MAP2K5: variants seen among roughly 807,000 people sequenced by gnomAD.
MAP2K5 encodes the protein dual specificity mitogen-activated protein kinase kinase 5.
A neutral mutation model predicts 83.1 loss-of-function variants in MAP2K5; 49 were observed. The observed-to-expected ratio is 0.59, with a 90% CI of 0.47 to 0.75. The LOEUF is 0.75. MAP2K5 is among the 30% of genes least tolerant of loss of function. The pLI is 0.00. For missense variants in MAP2K5, 457 were observed against 557.5 expected (o/e 0.82, Z 1.82); for synonymous variants, 202 against 191.8 (o/e 1.05, Z -0.44).
rs565279416 is a variant in MAP2K5, at chr15:67,807,097, T to A, written c.*347T>A. The A allele has an allele frequency of 2.9e-5, 18 of 624,554 alleles. No homozygotes were observed. The highest frequency in any genetic ancestry group is 2.5e-4 in the African/African-American group (13 of 52,718). The allele number at this position is 624,554 out of a possible 1,614,324, so 38.7% of individuals were successfully genotyped here. On this transcript the variant is annotated 3_prime_UTR_variant, in exon 22 of 22. Coordinates refer to ENST00000178640, the MANE Select transcript of MAP2K5 (RefSeq NM_145160.3). This position sits in a 1 kb window ranked among gnomAD's most constrained non-coding sequence, Gnocchi z 5.1. ...TCAGCATCACTGATGGGAATAAAAGTATTAATGCTTTGTGACAGCCTCTGC... is the reference window on the plus strand; with the variant it reads ...TCAGCATCACTGATGGGAATAAAAGAATTAATGCTTTGTGACAGCCTCTGC...
chr15:67,664,354 A>AAT (rs3083901), intron 12 of MAP2K5, among the ~76,000 whole-genome samples: 1 of 149,812 alleles, frequency 6.7e-6, no homozygotes, highest in Non-Finnish European at 1.5e-5. Context: ...AAAAAAAAAA[A>AAT]GCTAGGCATG....
At chr15:67,614,744 C>G (rs904531096) in intron 8 of MAP2K5, among the ~76,000 whole-genome samples, 6 of 152,086 alleles carry the variant, frequency 3.9e-5, no homozygotes, top group Admixed American at 3.3e-4. Context: ...GTAGTGATGA[C>G]CACATTAACT....
rs970784854 is a variant in MAP2K5 at position 67,559,924 on chromosome 15, GTGT to G, written c.185-3354_185-3352del. On this transcript the variant is annotated intron_variant, in intron 2 of 21. Coordinates refer to ENST00000178640, the MANE Select transcript of MAP2K5 (RefSeq NM_145160.3). The surrounding 1 kb of genome is among the most constrained non-coding windows in gnomAD (Gnocchi z 4.7). ...TGCTTCTTAGTACCACTACTTTCTAGTGTTGTTCTCTAACATATTTGTACCTCT... is the reference window on the plus strand; with the variant it reads ...TGCTTCTTAGTACCACTACTTTCTAGTGTTCTCTAACATATTTGTACCTCT... Among the ~76,000 whole-genome samples the G allele has an allele frequency of 6.6e-6, 1 of 152,158 alleles. No individual in the cohort carries two copies. Among genetic ancestry groups the G allele is most frequent in the Admixed American group, 6.5e-5 (1 of 15,278 alleles).
intron 9 of MAP2K5, among the ~76,000 whole-genome samples, chr15:67,645,111 G>A (rs1271472073): frequency 6.6e-6 from 1 of 152,170 alleles, no homozygotes; most frequent in Non-Finnish European, 1.5e-5. Context: ...GACAGAGGTT[G>A]CAGTAAGCCG....
rs1057235445 is a variant in MAP2K5, at chr15:67,555,872, C to G, written c.184+5790C>G. ...GATCTCGGCTCACTGCAACCTCCACCTCAGGGGTTCAAGCGATTCTCCTGC... is the reference window on the plus strand; with the variant it reads ...GATCTCGGCTCACTGCAACCTCCACGTCAGGGGTTCAAGCGATTCTCCTGC... On this transcript the variant is annotated intron_variant, in intron 2 of 21. Coordinates refer to ENST00000178640, the MANE Select transcript of MAP2K5 (RefSeq NM_145160.3). The surrounding 1 kb of genome is among the most constrained non-coding windows in gnomAD (Gnocchi z 5.2). Among the ~76,000 whole-genome samples the G allele has an allele frequency of 6.6e-6, 1 of 151,500 alleles. No individual in the cohort carries two copies. The highest frequency in any genetic ancestry group is 1.5e-5 in the Non-Finnish European group (1 of 67,846).
Position 67,786,580 on chromosome 15 carries a change from G to A in MAP2K5, c.1242+13828G>A, listed in dbSNP as rs1399625319. Among the ~76,000 whole-genome samples, 6 of 152,180 alleles carry A rather than the reference G, an allele frequency of 3.9e-5. No homozygotes were observed. Among genetic ancestry groups the A allele is most frequent in the African/African-American group, 1.2e-4 (5 of 41,440 alleles). On this transcript the variant is annotated intron_variant, in intron 21 of 21. Transcript: ENST00000178640. This position sits in a 1 kb window ranked among gnomAD's most constrained non-coding sequence, Gnocchi z 4.7. ...GCTGGCTTGGGTGGTGCGGGAGCTC[G>A]GAACAGTGGCCGAGGGGCCGTAGTA...
intron 2 of MAP2K5, among the ~76,000 whole-genome samples, chr15:67,557,421 A>G (rs1343794455): frequency 6.6e-6 from 1 of 152,206 alleles, no homozygotes; most frequent in African/African-American, 2.4e-5. Flanking sequence ...GTATCTTCAC[A>G]CTTGTCAAAC....
At chr15:67,550,346 A>T (rs2084483325) in intron 2 of MAP2K5, among the ~76,000 whole-genome samples, 1 of 152,212 alleles carries the variant, frequency 6.6e-6, no homozygotes, top group Non-Finnish European at 1.5e-5. Flanking sequence ...CTTGCTCCTG[A>T]TTGTGATAAT....
Position 67,652,258 on chromosome 15 carries a change from T to A in MAP2K5, c.736+5789T>A, listed in dbSNP as rs963881270. 2.0e-5 allele frequency among the ~76,000 whole-genome samples: 3 copies of A among 152,210 alleles called. No individual in the cohort carries two copies. Among genetic ancestry groups the A allele is most frequent in the African/African-American group, 7.2e-5 (3 of 41,452 alleles). On this transcript the variant is annotated intron_variant, in intron 11 of 21. Transcript: ENST00000178640. The surrounding 1 kb of genome is among the most constrained non-coding windows in gnomAD (Gnocchi z 4.2). ...TTTTTAAATTATGATATAATACTCA[T>A]ACAAAAATTTTAACCTTATTAGCCA...
At chr15:67,622,274 GGAGAAAGT>G (rs1456513450) in intron 8 of MAP2K5, among the ~76,000 whole-genome samples, 1 of 152,140 alleles carries the variant, frequency 6.6e-6, no homozygotes, top group Admixed American at 6.6e-5. Flanking sequence ...GGTATATATT[GGAGAAAGT>G]GGCCCAGCCC....
At chr15:67,657,153 A>G (rs2087104401) in intron 11 of MAP2K5, among the ~76,000 whole-genome samples, 1 of 152,206 alleles carries the variant, frequency 6.6e-6, no homozygotes, top group South Asian at 2.1e-4. Flanking sequence ...GGCTTCTTCT[A>G]CTGATAATGG....
rs1386693693 is a variant in MAP2K5 at position 67,785,352 on chromosome 15, G to A, written c.1242+12600G>A. ...TCAGTTCAGCTTTTTGGAGCAAAACGTTGTGAGCGAAGAAAGCTGTTTGCG... is the reference window on the plus strand; with the variant it reads ...TCAGTTCAGCTTTTTGGAGCAAAACATTGTGAGCGAAGAAAGCTGTTTGCG... On this transcript the variant is annotated intron_variant, in intron 21 of 21. Coordinates refer to ENST00000178640, the MANE Select transcript of MAP2K5 (RefSeq NM_145160.3). The surrounding 1 kb of genome is among the most constrained non-coding windows in gnomAD (Gnocchi z 4.4). Among the ~76,000 whole-genome samples, 5 of 152,200 alleles carry A rather than the reference G, an allele frequency of 3.3e-5. No individual in the cohort carries two copies. Among genetic ancestry groups the A allele is most frequent in the African/African-American group, 4.8e-5 (2 of 41,456 alleles).
At chr15:67,689,358 G>T (rs1431231170) in intron 13 of MAP2K5, among the ~76,000 whole-genome samples, 2 of 152,220 alleles carry the variant, frequency 1.3e-5, no homozygotes, top group Non-Finnish European at 2.9e-5. Flanking sequence ...AGAAGATAGT[G>T]ACTTTGATGG....
At chr15:67,657,786 A>G (rs766585956) in intron 11 of MAP2K5, among the ~76,000 whole-genome samples, 2 of 152,192 alleles carry the variant, frequency 1.3e-5, no homozygotes, top group East Asian at 1.9e-4. Context: ...ATATGTTTGT[A>G]TATGAATACA....
chr15:67,793,624 T>C lies in MAP2K5; in HGVS notation c.1243-13022T>C, dbSNP rs2090554748. The stretch of plus-strand genomic sequence containing the variant: ...CTTGAGGCACTACCTAAAATTAAAA[T>C]GTTCAAGTTCTAGTTTAACTTCCAT... On this transcript the variant is annotated intron_variant, in intron 21 of 21. Coordinates refer to ENST00000178640, the MANE Select transcript of MAP2K5 (RefSeq NM_145160.3). The surrounding 1 kb of genome is among the most constrained non-coding windows in gnomAD (Gnocchi z 4.6). Among the ~76,000 whole-genome samples the C allele has an allele frequency of 6.6e-6, 1 of 152,216 alleles. No homozygotes were observed. Among genetic ancestry groups the C allele is most frequent in the Non-Finnish European group, 1.5e-5 (1 of 68,038 alleles).
At chr15:67,788,706 G>A (rs1393099750) in intron 21 of MAP2K5, among the ~76,000 whole-genome samples, 1 of 152,140 alleles carries the variant, frequency 6.6e-6, no homozygotes, top group Non-Finnish European at 1.5e-5. Context: ...GCCAGACATG[G>A]TGGATCATGC....
chr15:67,760,495 A>G lies in MAP2K5; in HGVS notation c.1135-9107A>G, dbSNP rs1190746671. Among the ~76,000 whole-genome samples the G allele has an allele frequency of 6.6e-6, 1 of 152,240 alleles. No individual in the cohort carries two copies. The highest frequency in any genetic ancestry group is 1.5e-5 in the Non-Finnish European group (1 of 68,046). The stretch of plus-strand genomic sequence containing the variant: ...AAGTGGCACTGAGTGAATTCAGCCA[A>G]TAGACCTTATCCATTTCTTCTTTTT... On this transcript the variant is annotated intron_variant, in intron 19 of 21. Transcript: ENST00000178640. The surrounding 1 kb of genome is among the most constrained non-coding windows in gnomAD (Gnocchi z 4.1).
chr15:67,664,735 T>C (rs2087331130), intron 13 of MAP2K5, 90 bp downstream of exon 13: 1 of 812,354 alleles, frequency 1.2e-6, no homozygotes, highest in African/African-American at 1.7e-5. Flanking sequence ...TGTTCTGACA[T>C]TTAAGCCAGC....
chr15:67,746,370 T>C lies in MAP2K5; in HGVS notation c.1075-1861T>C, dbSNP rs2089605681. 6.6e-6 allele frequency among the ~76,000 whole-genome samples: 1 copy of C among 152,188 alleles called. No homozygotes were observed. The highest frequency in any genetic ancestry group is 2.1e-4 in the South Asian group (1 of 4,826). ...TTTGATGTCAGAAATGGATTTCTGA[T>C]TCTTTATTCATTACAAATAACTCCG... On this transcript the variant is annotated intron_variant, in intron 17 of 21. Coordinates refer to ENST00000178640, the MANE Select transcript of MAP2K5 (RefSeq NM_145160.3). The surrounding 1 kb of genome is among the most constrained non-coding windows in gnomAD (Gnocchi z 4.1).
Sources: gnomAD v4.1 joint callset for allele counts (sites outside exome capture counted in the v4.1 genomes callset) on GRCh38, gnomAD v4.1.1 for gene constraint, Gnocchi (gnomAD v3.1) non-coding constraint, MANE v1.5 for transcripts, NCBI Gene and HGNC (gene_info 2026-07-23, HGNC 2026-07-21) for gene names.